Variants in ZDHHC18 observed in about 807,000 individuals in gnomAD.
ZDHHC18 encodes zDHHC palmitoyltransferase 18, also known as palmitoyltransferase ZDHHC18.
A neutral mutation model predicts 37.5 loss-of-function variants in ZDHHC18; 23 were observed. The observed-to-expected ratio is 0.61, with a 90% CI of 0.44 to 0.87. The LOEUF is 0.87. Ranked by LOEUF, ZDHHC18 falls within the 40% of genes least tolerant of loss-of-function variation. ZDHHC18 has a pLI of 0.00. For missense variants in ZDHHC18, 406 were observed against 525.6 expected (o/e 0.77, Z 2.22); for synonymous variants, 185 against 218.7 (o/e 0.85, Z 1.36).
Position 26,857,395 on chromosome 1 carries a change from G to C in ZDHHC18, c.*3552G>C, listed in dbSNP as rs2081740008. On this transcript the variant is annotated 3_prime_UTR_variant, in exon 8 of 8. Transcript: ENST00000374142. ...CCACCCCCAACCCTCCACCAGAGTA[G>C]GTAGGATGTAGGGAGGGTGCGTGCC... The C allele has an allele frequency of 6.6e-6, 1 of 152,202 alleles. No homozygotes were observed. The highest frequency in any genetic ancestry group is 2.4e-5 in the African/African-American group (1 of 41,442). The allele number at this position is 152,202 out of a possible 1,614,324, so 9.4% of individuals were successfully genotyped here.
rs548153890 is a variant in ZDHHC18, at chr1:26,845,773, T to C, written c.497-2835T>C. 7.2e-5 allele frequency among the ~76,000 whole-genome samples: 11 copies of C among 152,232 alleles called. 1 individual carries two copies. The South Asian group carries it at 2.3e-3, about 32-fold the overall frequency. ...ATGATTAGCCCCTTTGTGTCTTTTG[T>C]TTGTTTGAGACAGGGTCTTGTTCTG... On this transcript the variant is annotated intron_variant, in intron 2 of 7. Coordinates refer to ENST00000374142, the MANE Select transcript of ZDHHC18 (RefSeq NM_032283.3).
At chr1:26,830,059 C>T (rs1219531470) in intron 1 of ZDHHC18, among the ~76,000 whole-genome samples, 1 of 152,340 alleles carries the variant, frequency 6.6e-6, no homozygotes, top group African/African-American at 2.4e-5. Context: ...CACTGGGAGC[C>T]CTTGGCCTTG....
chr1:26,830,769 GTTTGTT>G (rs2081585726), intron 1 of ZDHHC18, among the ~76,000 whole-genome samples: 2 of 80,460 alleles, frequency 2.5e-5, no homozygotes, highest in African/African-American at 6.3e-5. Flanking sequence ...TTTTATGTTT[GTTTGTT>G]GTTGTTGTTG....
At position 26,845,442 on chromosome 1, in the gene ZDHHC18, C is replaced by T. The variant is rs149068652; in HGVS notation, c.497-3166C>T. Among the ~76,000 whole-genome samples, 339 of 136,542 alleles carry T rather than the reference C, an allele frequency of 2.5e-3. 3 individuals are homozygous for T. The highest frequency in any genetic ancestry group is 9.0e-3 in the African/African-American group (320 of 35,608). The allele number at this position is 136,542 out of a possible 152,430, so 89.6% of individuals were successfully genotyped here. ...CCACCTCCCTGGTTCAAGTGATTTT[C>T]ATGCCTCAGCCTCTTGAGTAGCTGG... On this transcript the variant is annotated intron_variant, in intron 2 of 7. Coordinates refer to ENST00000374142, the MANE Select transcript of ZDHHC18 (RefSeq NM_032283.3).
At chr1:26,843,437 G>A (rs902666075) in intron 2 of ZDHHC18, among the ~76,000 whole-genome samples, 10 of 150,444 alleles carry the variant, frequency 6.6e-5, no homozygotes, top group South Asian at 2.2e-4. Context: ...CACCGTGCCC[G>A]GCCTCCTTTT....
At chr1:26,846,951 A>G (rs1172649149) in intron 2 of ZDHHC18, among the ~76,000 whole-genome samples, 1 of 151,138 alleles carries the variant, frequency 6.6e-6, no homozygotes. Flanking sequence ...GCTGGAGTGC[A>G]GTGGCATGAT....
chr1:26,827,086 C>T lies in ZDHHC18; in HGVS notation c.282C>T (p.Phe94=). 4.3e-6 allele frequency: 6 copies of T among 1,395,126 alleles called. No individual in the cohort carries two copies. The highest frequency in any genetic ancestry group is 6.0e-5 in the East Asian group (2 of 33,204). The allele number at this position is 1,395,126 out of a possible 1,614,324, so 86.4% of individuals were successfully genotyped here. ...RLMLAGHGGV[F]ALTLLLILTT... is the part of the protein sequence containing the mutation. The stretch of plus-strand genomic sequence containing the variant: ...TGCTGGCCGGCCACGGCGGCGTCTT[C>T]GCGCTCACGCTGCTGCTCATCCTCA... Residue 94 remains phenylalanine (F), a synonymous_variant, in exon 1 of 8, where the codon TTC becomes TTT. Coordinates refer to ENST00000374142, the MANE Select transcript of ZDHHC18 (RefSeq NM_032283.3).
intron 2 of ZDHHC18, among the ~76,000 whole-genome samples, chr1:26,844,538 C>CA (rs1418709469): frequency 2.0e-5 from 3 of 152,148 alleles, no homozygotes; most frequent in African/African-American, 7.2e-5. Flanking sequence ...TCTTTCAGAG[C>CA]ACATTATCTC....
chr1:26,853,518 C>T (rs1172163976), intron 7 of ZDHHC18, among the ~76,000 whole-genome samples: 1 of 152,214 alleles, frequency 6.6e-6, no homozygotes, highest in African/African-American at 2.4e-5. Context: ...TGAATAAATT[C>T]TGTGGCCAAA....
At position 26,832,483 on chromosome 1, in the gene ZDHHC18, C is replaced by T. The variant is rs2081592639; in HGVS notation, c.372C>T (p.Ile124=). The T allele has an allele frequency of 1.9e-6, 3 of 1,614,138 alleles. No homozygotes were observed. Among genetic ancestry groups the T allele is most frequent in the Admixed American group, 3.3e-5 (2 of 60,022 alleles). Residue 124 remains isoleucine (I), a synonymous_variant, in exon 2 of 8, where the codon ATC becomes ATT. Coordinates refer to ENST00000374142, the MANE Select transcript of ZDHHC18 (RefSeq NM_032283.3). ...TGGCTCGCAAGCTGACCCTTGCCATCCCCATCATCGCTGCCATCCTCTTCT... is the reference window on the plus strand; with the variant it reads ...TGGCTCGCAAGCTGACCCTTGCCATTCCCATCATCGCTGCCATCCTCTTCT... The part of the protein sequence containing the change: ...PYLARKLTLA[I]PIIAAILFFF...
Position 26,832,471 on chromosome 1 carries a change from G to C in ZDHHC18, c.360G>C (p.Leu120=), listed in dbSNP as rs149455155. 299 of 1,614,112 alleles carry C rather than the reference G, an allele frequency of 1.9e-4. 1 individual carries two copies. In the African/African-American group the frequency reaches 3.8e-3, roughly 21 times the overall value. The part of the protein sequence containing the change: ...VFDCPYLARK[L]TLAIPIIAAI... Reference sequence around the variant, plus strand: ...GCTGTCCCTACCTGGCTCGCAAGCTGACCCTTGCCATCCCCATCATCGCTG... The same window carrying C: ...GCTGTCCCTACCTGGCTCGCAAGCTCACCCTTGCCATCCCCATCATCGCTG... Residue 120 remains leucine, a synonymous_variant, in exon 2 of 8, where the codon CTG becomes CTC. Coordinates refer to ENST00000374142, the MANE Select transcript of ZDHHC18 (RefSeq NM_032283.3).
chr1:26,832,722 GA>G, intron 2 of ZDHHC18, 115 bp downstream of exon 2: 2 of 1,303,842 alleles, frequency 1.5e-6, no homozygotes, highest in Non-Finnish European at 1.0e-6. Flanking sequence ...ATGCAGTCGT[GA>G]GCAAGGCAGG....
At chr1:26,833,154 C>T (rs1343134915) in intron 2 of ZDHHC18, among the ~76,000 whole-genome samples, 1 of 152,188 alleles carries the variant, frequency 6.6e-6, no homozygotes, top group Non-Finnish European at 1.5e-5. Flanking sequence ...ACAATAGTCC[C>T]TGTCCTCATG....
chr1:26,831,360 C>T (rs2081588229), intron 1 of ZDHHC18, among the ~76,000 whole-genome samples: 1 of 152,168 alleles, frequency 6.6e-6, no homozygotes, highest in Non-Finnish European at 1.5e-5. Context: ...AGGCTGAAGT[C>T]CTCAGTAGGG....
chr1:26,846,235 G>GAGAGATATATAGATATATATCTCTAT (rs1557644341), intron 2 of ZDHHC18, among the ~76,000 whole-genome samples: 1 of 10,956 alleles, frequency 9.1e-5, no homozygotes, highest in Non-Finnish European at 1.7e-4. Flanking sequence ...TGTATATAGA[G>GAGAGATATATAGATATATATCTCTAT]AGAGAGATAT....
intron 2 of ZDHHC18, among the ~76,000 whole-genome samples, chr1:26,835,715 C>A (rs552325867): frequency 4.3e-4 from 65 of 152,042 alleles, no homozygotes; most frequent in Middle Eastern, 3.4e-3. Context: ...ACAAAAAAAA[C>A]CAAAAACATA....
chr1:26,837,234 CAG>C (rs1295208494), intron 2 of ZDHHC18, among the ~76,000 whole-genome samples: 1 of 143,116 alleles, frequency 7.0e-6, no homozygotes, highest in Non-Finnish European at 1.5e-5. Flanking sequence ...GCCTGGGCGA[CAG>C]AGTGAGACTC....
chr1:26,826,958 G>T lies in ZDHHC18; in HGVS notation c.154G>T (p.Gly52Cys). ...CGCCCCGCCGCGCTGGAGCAGCAGC[G>T]GCAGCGGCAGCGGCAGCGGGAGCGG... ...APAPPRWSSS[G>C]SGSGSGSGSL... Residue 52 changes from glycine (G) to cysteine (C), a missense_variant, in exon 1 of 8, where the codon GGC (glycine) becomes TGC (cysteine). Transcript: ENST00000374142. The surrounding 1 kb of genome is among the most constrained non-coding windows in gnomAD (Gnocchi z 5.2). The T allele has an allele frequency of 8.4e-7, 1 of 1,185,904 alleles. No individual in the cohort carries two copies. Among genetic ancestry groups the T allele is most frequent in the Non-Finnish European group, 1.0e-6 (1 of 956,304 alleles). 73.5% of individuals were successfully genotyped at this position (1,185,904 alleles called of 1,614,324 possible). A position where few individuals can be genotyped will look rare whatever the true frequency, so the allele number is the denominator to read the frequency against.
At chr1:26,828,353 C>A (rs1257047136) in intron 1 of ZDHHC18, among the ~76,000 whole-genome samples, 6 of 152,030 alleles carry the variant, frequency 3.9e-5, no homozygotes, top group African/African-American at 1.4e-4. Flanking sequence ...GACCTCAGGG[C>A]AGTCACTTCA....
Sources: allele counts gnomAD v4.1 joint callset (sites outside exome capture counted in the v4.1 genomes callset), GRCh38; gene constraint gnomAD v4.1.1; non-coding constraint Gnocchi (gnomAD v3.1); transcripts MANE v1.5; gene names NCBI Gene and HGNC (gene_info 2026-07-23, HGNC 2026-07-21).